The following WWP2 variants were observed in gnomAD, a reference collection of about 807,000 sequenced individuals.
WWP2 encodes the protein WW domain containing E3 ubiquitin protein ligase 2, also known as NEDD4-like E3 ubiquitin-protein ligase WWP2.
A neutral mutation model predicts 121.0 loss-of-function variants in WWP2; 57 were observed. That is an observed-to-expected ratio of 0.47 (90% CI 0.38 to 0.59). WWP2 has a LOEUF of 0.59. Among genes scored for constraint, WWP2 ranks in the 20% least tolerant of loss-of-function variants. WWP2 has a pLI of 0.00. For synonymous variants in WWP2, 449 were observed against 441.3 expected (o/e 1.02, Z -0.22); for missense variants, 962 against 1,158.9 (o/e 0.83, Z 2.47).
At position 69,795,665 on chromosome 16, in the gene WWP2, T is replaced by G. The variant is rs1329713929; in HGVS notation, c.71-3017T>G. Among the ~76,000 whole-genome samples the G allele has an allele frequency of 2.9e-5, 4 of 138,704 alleles. No homozygotes were observed. In the East Asian group the frequency reaches 6.2e-4, roughly 21 times the overall value. 91.0% of individuals were successfully genotyped at this position (138,704 alleles called of 152,430 possible). A position where few individuals can be genotyped will look rare whatever the true frequency, so the allele number is the denominator to read the frequency against. On this transcript the variant is annotated intron_variant, in intron 2 of 23. Transcript: ENST00000359154. ...AAATAGGAGGTTTTTTTTTTTTTTTTTTTTTTTTTTGTGAGAGTCTCTCTC... is the reference window on the plus strand; with the variant it reads ...AAATAGGAGGTTTTTTTTTTTTTTTGTTTTTTTTTTGTGAGAGTCTCTCTC...
At chr16:69,802,217 G>A (rs1392849279) in intron 4 of WWP2, among the ~76,000 whole-genome samples, 1 of 152,080 alleles carries the variant, frequency 6.6e-6, no homozygotes, top group Non-Finnish European at 1.5e-5. Flanking sequence ...ATGAGCCACC[G>A]TGCCTGGCCT....
chr16:69,842,990 G>A (rs374738997), intron 6 of WWP2, among the ~76,000 whole-genome samples: 46 of 152,096 alleles, frequency 3.0e-4, no homozygotes, highest in African/African-American at 1.1e-3. Flanking sequence ...CTTTTTTATG[G>A]TTGTGAAAGA....
At chr16:69,768,107 G>A (rs755794742) in intron 1 of WWP2, among the ~76,000 whole-genome samples, 9 of 152,078 alleles carry the variant, frequency 5.9e-5, no homozygotes, top group Non-Finnish European at 1.2e-4. Context: ...AAAGTGTTTG[G>A]GGTTACAGGT....
At chr16:69,866,254 A>T (rs964145201) in intron 6 of WWP2, among the ~76,000 whole-genome samples, 6 of 151,474 alleles carry the variant, frequency 4.0e-5, no homozygotes, top group Admixed American at 6.6e-5. Context: ...AATGCTTTTT[A>T]AAAAAAGGTT....
At chr16:69,895,048 T>A (rs1254806765) in intron 8 of WWP2, 1 of 152,256 alleles carries the variant, frequency 6.6e-6, no homozygotes, top group Non-Finnish European at 1.5e-5. Context: ...GTTTTCTGGA[T>A]CTTTCGGATT....
chr16:69,794,082 TAA>T (rs1406757912), intron 2 of WWP2, among the ~76,000 whole-genome samples: 1 of 152,162 alleles, frequency 6.6e-6, no homozygotes, highest in Non-Finnish European at 1.5e-5. Context: ...CACGCCCGGC[TAA>T]GTTTTGTACT....
chr16:69,860,675 G>T (rs1001375667), intron 6 of WWP2, among the ~76,000 whole-genome samples: 3 of 152,084 alleles, frequency 2.0e-5, no homozygotes, highest in Non-Finnish European at 2.9e-5. Flanking sequence ...CCTCCGTCCT[G>T]CTGAATTCCT....
chr16:69,884,789 A>C (rs2057894003), intron 7 of WWP2, among the ~76,000 whole-genome samples: 1 of 152,228 alleles, frequency 6.6e-6, no homozygotes, highest in African/African-American at 2.4e-5. Flanking sequence ...GGAAAGAAGC[A>C]AGCATTTCTC....
intron 8 of WWP2, among the ~76,000 whole-genome samples, chr16:69,906,288 G>A (rs1295144845): frequency 6.6e-6 from 1 of 152,074 alleles, no homozygotes; most frequent in Non-Finnish European, 1.5e-5. Context: ...TAGCCAGGAT[G>A]ATCTTGATCT....
chr16:69,772,545 C>T (rs550135918), intron 1 of WWP2, among the ~76,000 whole-genome samples: 2 of 152,216 alleles, frequency 1.3e-5, no homozygotes, highest in Admixed American at 6.5e-5. Context: ...AGCAGGGCTA[C>T]GCTATAGGCA....
intron 6 of WWP2, among the ~76,000 whole-genome samples, chr16:69,869,183 C>T (rs536039809): frequency 3.9e-5 from 6 of 152,182 alleles, no homozygotes; most frequent in Admixed American, 2.6e-4. Flanking sequence ...CCACTGTGTG[C>T]GGCCAACAGC....
rs367837270 is a variant in WWP2, at chr16:69,798,786, C to T, written c.175C>T (p.Arg59Cys). The change falls in exon 3 of 24, where the codon CGC becomes TGC. Residue 59 changes from arginine to cysteine, a missense_variant. Arg to Cys is a radical substitution (Grantham distance 180). Around this residue, in one of 3 missense-constraint regions of WWP2, gnomAD observed 145 missense variants for 189.8 expected, o/e 0.76. Transcript: ENST00000359154. Reference protein sequence around the residue: ...LPSETKKTGKRIGSSELLWNE... With the variant: ...LPSETKKTGKCIGSSELLWNE... ...CAGTGAGACCAAGAAGACTGGGAAG[C>T]GCATTGGGAGCTCTGAGCTTCTCTG... 7 of 1,613,988 alleles carry T rather than the reference C, an allele frequency of 4.3e-6. No individual in the cohort carries two copies. The Admixed American group carries it at 5.0e-5, about 12-fold the overall frequency.
intron 2 of WWP2, among the ~76,000 whole-genome samples, chr16:69,798,082 C>A (rs915139447): frequency 8.5e-5 from 13 of 152,074 alleles, no homozygotes; most frequent in African/African-American, 3.1e-4. Context: ...ACAAGCATAT[C>A]CCTTAGCACT....
chr16:69,799,160 T>C lies in WWP2; in HGVS notation c.219-14T>C. ...ATCTGCTTGGATGTAATGAATCAGG[T>C]ATTTGTTTTTCAGGAATGTCACGGC... On this transcript the variant is annotated splice_polypyrimidine_tract_variant and intron_variant, in intron 3 of 23. Coordinates refer to ENST00000359154, the MANE Select transcript of WWP2 (RefSeq NM_001270454.2). The surrounding 1 kb of genome is among the most constrained non-coding windows in gnomAD (Gnocchi z 4.5). 1.2e-6 allele frequency: 2 copies of C among 1,607,654 alleles called. No homozygotes were observed. The highest frequency in any genetic ancestry group is 1.7e-6 in the Non-Finnish European group (2 of 1,177,606).
chr16:69,937,786 C>G lies in WWP2; in HGVS notation c.2343+134C>G. 1 of 768,558 alleles carries G rather than the reference C, an allele frequency of 1.3e-6. No homozygotes were observed. Among genetic ancestry groups the G allele is most frequent in the South Asian group, 1.7e-5 (1 of 58,776 alleles). 47.6% of individuals were successfully genotyped at this position (768,558 alleles called of 1,614,324 possible). On this transcript the variant is annotated intron_variant, in intron 21 of 23. Coordinates refer to ENST00000359154, the MANE Select transcript of WWP2 (RefSeq NM_001270454.2). This position sits in a 1 kb window ranked among gnomAD's most constrained non-coding sequence, Gnocchi z 6.6. ...GCCTCCCACACCTTGCAAAAGGAGA[C>G]GATAGACCAGCCTTGGGATGAACGG...
Position 69,940,008 on chromosome 16 carries a change from CTGG to C in WWP2, c.*69_*71del. 1 of 1,361,146 alleles carries C rather than the reference CTGG, an allele frequency of 7.3e-7. No homozygotes were observed. Among genetic ancestry groups the C allele is most frequent in the African/African-American group, 1.4e-5 (1 of 69,828 alleles). The allele number at this position is 1,361,146 out of a possible 1,614,324, so 84.3% of individuals were successfully genotyped here. On this transcript the variant is annotated 3_prime_UTR_variant, in exon 24 of 24. Transcript: ENST00000359154. ...TGAGTCCTCCCTGCCTGAGAGGCCA[CTGG>C]CCCCGCAGCCCTTGGGAGGCCCCCG...
chr16:69,852,854 T>G (rs1034019583), intron 6 of WWP2, among the ~76,000 whole-genome samples: 5 of 152,236 alleles, frequency 3.3e-5, no homozygotes, highest in Non-Finnish European at 5.9e-5. Context: ...TATTTTCATA[T>G]TGTCTGTGGC....
intron 4 of WWP2, 23 bp from the exon 5 acceptor site, chr16:69,840,103 A>AT (rs767300306): frequency 6.2e-7 from 1 of 1,614,096 alleles, no homozygotes; most frequent in Non-Finnish European, 8.5e-7. Context: ...TAGCCCATCC[A>AT]TGTTGCCTTT....
intron 4 of WWP2, among the ~76,000 whole-genome samples, chr16:69,839,266 C>T (rs998313117): frequency 5.9e-5 from 9 of 152,158 alleles, no homozygotes; most frequent in African/African-American, 2.2e-4. Context: ...AATTATTAAA[C>T]GGCCCTGAAC....
Sources: allele counts gnomAD v4.1 joint callset (sites outside exome capture counted in the v4.1 genomes callset), GRCh38; gene constraint gnomAD v4.1.1; regional missense constraint gnomAD v4.1.1; non-coding constraint Gnocchi (gnomAD v3.1); transcripts MANE v1.5; gene names NCBI Gene and HGNC (gene_info 2026-07-23, HGNC 2026-07-21).